The following NUBPL variants were observed in gnomAD, a reference collection of about 807,000 sequenced individuals.
NUBPL encodes iron-sulfur cluster transfer protein NUBPL.
NUBPL carries 31 observed loss-of-function variants against 45.7 expected under a neutral mutation model. The ratio of observed to expected loss-of-function variants is 0.68; its 90% CI spans 0.51 to 0.92. The LOEUF (loss-of-function observed/expected upper bound fraction) is 0.92, where lower values mean the gene tolerates loss of function less well. Ranked by LOEUF, NUBPL falls within the 40% of genes least tolerant of loss-of-function variation. The pLI, the probability that NUBPL is intolerant of heterozygous loss-of-function variation, is 0.00. For missense variants in NUBPL, 401 were observed against 398.7 expected (o/e 1.01, Z -0.05); for synonymous variants, 144 against 140.9 (o/e 1.02, Z -0.15).
At chr14:31,841,920 T>TTGTTTTTGTTTTTG (rs1232748747) in intron 8 of NUBPL, among the ~76,000 whole-genome samples, 1 of 81,024 alleles carries the variant, frequency 1.2e-5, no homozygotes, top group Non-Finnish European at 2.7e-5. Flanking sequence ...TTCTGGGCTT[T>TTGTTTTTGTTTTTG]TTTTTTTTTT....
At position 31,785,221 on chromosome 14, in the gene NUBPL, ATATT is replaced by A. The variant is rs1000063023; in HGVS notation, c.514-2554_514-2551del. Among the ~76,000 whole-genome samples, 16 of 152,340 alleles carry A rather than the reference ATATT, an allele frequency of 1.1e-4. No homozygotes were observed. The East Asian group carries it at 2.1e-3, about 20-fold the overall frequency. On this transcript the variant is annotated intron_variant, in intron 6 of 10. Coordinates refer to ENST00000281081, the MANE Select transcript of NUBPL (RefSeq NM_025152.3). The stretch of plus-strand genomic sequence containing the variant: ...TTGGTAATTGAAGAGATTTTCTAAA[ATATT>A]TATTCTTATTTGATCTGGATATCTA...
intron 6 of NUBPL, among the ~76,000 whole-genome samples, chr14:31,676,225 G>T (rs2036694263): frequency 6.6e-6 from 1 of 151,966 alleles, no homozygotes; most frequent in African/African-American, 2.4e-5. Flanking sequence ...GTTTCTCCAT[G>T]TTGGTTAGGC....
chr14:31,644,493 A>G (rs941847271), intron 4 of NUBPL, among the ~76,000 whole-genome samples: 5 of 152,008 alleles, frequency 3.3e-5, no homozygotes, highest in African/African-American at 1.2e-4. Flanking sequence ...TTCTAGTTTT[A>G]TTCCACTGTA....
At chr14:31,852,080 G>A (rs2040546676) in intron 10 of NUBPL, among the ~76,000 whole-genome samples, 1 of 152,032 alleles carries the variant, frequency 6.6e-6, no homozygotes, top group South Asian at 2.1e-4. Context: ...GTCATCATGG[G>A]GTACCAAGTT....
intron 4 of NUBPL, among the ~76,000 whole-genome samples, chr14:31,652,174 G>A (rs939776471): frequency 4.6e-5 from 7 of 152,150 alleles, no homozygotes; most frequent in African/African-American, 1.7e-4. Context: ...AAGACATTAA[G>A]CTTAATGAAA....
At chr14:31,742,965 C>T (rs369607725) in intron 6 of NUBPL, among the ~76,000 whole-genome samples, 2 of 152,082 alleles carry the variant, frequency 1.3e-5, no homozygotes, top group Non-Finnish European at 2.9e-5. Context: ...CATTTTTAAG[C>T]CATAATCTTA....
intron 6 of NUBPL, among the ~76,000 whole-genome samples, chr14:31,773,311 C>G (rs56084923): frequency 0.012 from 1,857 of 152,232 alleles, 6 homozygotes; most frequent in Non-Finnish European, 0.019. Flanking sequence ...CCTCACATGG[C>G]AAAAATTTTA....
intron 7 of NUBPL, among the ~76,000 whole-genome samples, chr14:31,807,713 A>G (rs1262522541): frequency 6.6e-6 from 1 of 152,208 alleles, no homozygotes; most frequent in African/African-American, 2.4e-5. Flanking sequence ...TATGTCCTCA[A>G]TGGCGTTGCC....
intron 6 of NUBPL, among the ~76,000 whole-genome samples, chr14:31,694,643 G>A (rs964791943): frequency 6.6e-6 from 1 of 152,176 alleles, no homozygotes; most frequent in Non-Finnish European, 1.5e-5. Context: ...AACCTCCTGA[G>A]TAGCTGGGAT....
chr14:31,790,360 C>T (rs1417674910), intron 7 of NUBPL, among the ~76,000 whole-genome samples: 1 of 152,204 alleles, frequency 6.6e-6, no homozygotes, highest in Non-Finnish European at 1.5e-5. Context: ...TTTTTCCTTT[C>T]CTCTGATGAA....
intron 7 of NUBPL, among the ~76,000 whole-genome samples, chr14:31,791,430 A>C (rs151050443): frequency 3.7e-4 from 56 of 152,370 alleles, no homozygotes; most frequent in African/African-American, 1.3e-3. Context: ...TATTCCCTAG[A>C]CAAGAGTTCC....
chr14:31,611,870 T>C (rs554540609), intron 4 of NUBPL, among the ~76,000 whole-genome samples: 1 of 152,308 alleles, frequency 6.6e-6, no homozygotes, highest in East Asian at 1.9e-4. Context: ...GATATTTGTA[T>C]GCAAAAGAAT....
At chr14:31,681,394 C>G (rs1357104178) in intron 6 of NUBPL, among the ~76,000 whole-genome samples, 1 of 151,238 alleles carries the variant, frequency 6.6e-6, no homozygotes, top group Non-Finnish European at 1.5e-5. Context: ...AGTGTTCCCT[C>G]CTTATTTCTA....
intron 3 of NUBPL, among the ~76,000 whole-genome samples, chr14:31,587,938 G>A (rs556923195): frequency 6.6e-6 from 1 of 152,184 alleles, no homozygotes; most frequent in African/African-American, 2.4e-5. Context: ...TGGTTGTTTT[G>A]TATGATAAAT....
chr14:31,801,868 T>C (rs1372290472), intron 7 of NUBPL, among the ~76,000 whole-genome samples: 1 of 152,208 alleles, frequency 6.6e-6, no homozygotes, highest in Non-Finnish European at 1.5e-5. Flanking sequence ...GTGTAAATCC[T>C]GTTTTGATTT....
In NUBPL at chr14:31,578,057, A is replaced by G. The variant is rs780777676; in HGVS notation, c.291+13009A>G. On this transcript the variant is annotated intron_variant, in intron 3 of 10. Coordinates refer to ENST00000281081, the MANE Select transcript of NUBPL (RefSeq NM_025152.3). ...GATTGAAAACAGATTACACTTTGGCAGAATTCTCCAAAGTTTTGAATGCAT... is the reference window on the plus strand; with the variant it reads ...GATTGAAAACAGATTACACTTTGGCGGAATTCTCCAAAGTTTTGAATGCAT... 4.8e-5 allele frequency: 52 copies of G among 1,073,980 alleles called. 2 individuals carry two copies. The South Asian group carries it at 6.5e-4, about 13-fold the overall frequency. The allele number at this position is 1,073,980 out of a possible 1,614,324, so 66.5% of individuals were successfully genotyped here. A position where few individuals can be genotyped will look rare whatever the true frequency, so the allele number is the denominator to read the frequency against.
chr14:31,707,515 C>T (rs2037480654), intron 6 of NUBPL, among the ~76,000 whole-genome samples: 1 of 152,144 alleles, frequency 6.6e-6, no homozygotes, highest in Non-Finnish European at 1.5e-5. Flanking sequence ...CTGGTTCTCT[C>T]CTTGATTAGA....
At chr14:31,658,700 C>G (rs908587665) in intron 4 of NUBPL, among the ~76,000 whole-genome samples, 1 of 151,872 alleles carries the variant, frequency 6.6e-6, no homozygotes, top group African/African-American at 2.4e-5. Flanking sequence ...TTAGTAGGGA[C>G]GGGGTTTCAC....
chr14:31,636,478 C>A (rs893399514), intron 4 of NUBPL, among the ~76,000 whole-genome samples: 4 of 139,098 alleles, frequency 2.9e-5, no homozygotes, highest in African/African-American at 1.4e-4. Flanking sequence ...TGATGTGCTG[C>A]TGGATTGGTT....
Sources: allele counts gnomAD v4.1 joint callset (sites outside exome capture counted in the v4.1 genomes callset), GRCh38; gene constraint gnomAD v4.1.1; transcripts MANE v1.5; gene names NCBI Gene and HGNC (gene_info 2026-07-23, HGNC 2026-07-21).